The following GPC5 variants were observed in gnomAD, a reference collection of about 807,000 sequenced individuals.
The protein encoded by GPC5 is glypican 5, also known as glypican-5.
Under a neutral mutation model 53.9 loss-of-function variants are expected in GPC5, and 47 were observed. That is an observed-to-expected ratio of 0.87 (90% CI 0.69 to 1.11). GPC5 has a LOEUF of 1.11. Among genes scored for constraint, GPC5 ranks in the 50% most tolerant of loss-of-function variants. The probability of loss-of-function intolerance (pLI) is 0.00; values close to 1 mark genes in which losing one functional copy is unlikely to be tolerated. For missense variants in GPC5, 748 were observed against 713.1 expected (o/e 1.05, Z -0.56); for synonymous variants, 286 against 263.3 (o/e 1.09, Z -0.84).
intron 7 of GPC5, among the ~76,000 whole-genome samples, chr13:92,380,533 C>T (rs933976998): frequency 2.0e-5 from 3 of 151,720 alleles, no homozygotes; most frequent in Non-Finnish European, 4.4e-5. Context: ...TGGAACCAAC[C>T]CAAATGTCCA....
At chr13:91,985,115 C>T (rs1298552258) in intron 6 of GPC5, among the ~76,000 whole-genome samples, 1 of 152,062 alleles carries the variant, frequency 6.6e-6, no homozygotes, top group Non-Finnish European at 1.5e-5. Context: ...CCACTTCTGT[C>T]TTTTATATTT....
At chr13:91,480,862 C>G (rs61968030) in intron 2 of GPC5, among the ~76,000 whole-genome samples, 1 of 152,064 alleles carries the variant, frequency 6.6e-6, no homozygotes, top group Non-Finnish European at 1.5e-5. Flanking sequence ...CACTGTTACT[C>G]TCTTTCCTAC....
chr13:92,229,909 C>T (rs922302370), intron 7 of GPC5, among the ~76,000 whole-genome samples: 1 of 151,986 alleles, frequency 6.6e-6, no homozygotes, highest in African/African-American at 2.4e-5. Context: ...TCTTTTTCCC[C>T]TAAAGCATTT....
At chr13:91,770,861 T>C (rs574526431) in intron 5 of GPC5, among the ~76,000 whole-genome samples, 1 of 152,230 alleles carries the variant, frequency 6.6e-6, no homozygotes, top group Admixed American at 6.5e-5. Flanking sequence ...AATTGGCCAA[T>C]TTTTGTGTGG....
intron 7 of GPC5, among the ~76,000 whole-genome samples, chr13:92,843,344 T>C (rs1164615950): frequency 6.6e-6 from 1 of 152,206 alleles, no homozygotes; most frequent in African/African-American, 2.4e-5. Context: ...ATTTAGCAAA[T>C]ATTTATTAAA....
intron 7 of GPC5, among the ~76,000 whole-genome samples, chr13:92,663,848 CACACACACTATATATATATA>C (rs1246464908): frequency 0.013 from 1,473 of 117,602 alleles, 15 homozygotes; most frequent in Non-Finnish European, 0.017. Flanking sequence ...TATATATACA[CACACACACTATATATATATA>C]TATATATATA....
At chr13:91,891,297 A>G (rs1269606590) in intron 5 of GPC5, among the ~76,000 whole-genome samples, 1 of 152,166 alleles carries the variant, frequency 6.6e-6, no homozygotes, top group African/African-American at 2.4e-5. Flanking sequence ...GCCAAGGCAG[A>G]TTTTATGTGC....
At chr13:92,851,944 G>T (rs1878821845) in intron 7 of GPC5, among the ~76,000 whole-genome samples, 1 of 149,646 alleles carries the variant, frequency 6.7e-6, no homozygotes, top group African/African-American at 2.5e-5. Context: ...CTCTGTAAGA[G>T]AGCCCTGACC....
At chr13:92,441,473 C>G (rs987137998) in intron 7 of GPC5, among the ~76,000 whole-genome samples, 1 of 152,168 alleles carries the variant, frequency 6.6e-6, no homozygotes, top group Non-Finnish European at 1.5e-5. Flanking sequence ...AACTAATAAA[C>G]AACTTCAGTA....
At chr13:91,562,952 C>A (rs767318516) in intron 2 of GPC5, among the ~76,000 whole-genome samples, 1 of 151,738 alleles carries the variant, frequency 6.6e-6, no homozygotes, top group Non-Finnish European at 1.5e-5. Flanking sequence ...AATTGTGCAT[C>A]GTAGAGAAAA....
intron 5 of GPC5, among the ~76,000 whole-genome samples, chr13:91,809,934 G>T (rs1490157078): frequency 6.6e-6 from 1 of 151,948 alleles, no homozygotes; most frequent in Non-Finnish European, 1.5e-5. Flanking sequence ...CTTTAGGGAA[G>T]GTTATGGTGT....
At chr13:92,010,700 G>A (rs2040653673) in intron 6 of GPC5, among the ~76,000 whole-genome samples, 1 of 152,100 alleles carries the variant, frequency 6.6e-6, no homozygotes, top group Non-Finnish European at 1.5e-5. Context: ...CCCACTGCAA[G>A]GAAGAAAGGC....
At chr13:92,767,629 ACCT>A in intron 7 of GPC5, among the ~76,000 whole-genome samples, 1 of 152,184 alleles carries the variant, frequency 6.6e-6, no homozygotes, top group East Asian at 1.9e-4. Flanking sequence ...GTGAAACTTC[ACCT>A]CCTGCAGTCT....
chr13:91,909,833 C>T (rs189052549), intron 6 of GPC5, among the ~76,000 whole-genome samples: 2 of 152,136 alleles, frequency 1.3e-5, no homozygotes, highest in African/African-American at 2.4e-5. Context: ...ACACCACCCC[C>T]CTCCTCTGCC....
chr13:92,612,693 C>T (rs1884478671), intron 7 of GPC5, among the ~76,000 whole-genome samples: 1 of 151,992 alleles, frequency 6.6e-6, no homozygotes, highest in Non-Finnish European at 1.5e-5. Flanking sequence ...TCAAAATGTG[C>T]ATTCATTCTC....
intron 2 of GPC5, among the ~76,000 whole-genome samples, chr13:91,477,094 T>C (rs1882975093): frequency 6.6e-6 from 1 of 152,202 alleles, no homozygotes; most frequent in Non-Finnish European, 1.5e-5. Flanking sequence ...TATTCAAATA[T>C]TAGAAATATT....
intron 7 of GPC5, among the ~76,000 whole-genome samples, chr13:92,277,204 AC>A (rs1278347314): frequency 1.3e-5 from 2 of 152,034 alleles, no homozygotes; most frequent in African/African-American, 4.8e-5. Context: ...TAGGGAATTG[AC>A]ACCCACCATG....
intron 2 of GPC5, among the ~76,000 whole-genome samples, chr13:91,630,037 G>A (rs1232680800): frequency 1.3e-5 from 2 of 152,074 alleles, no homozygotes; most frequent in Non-Finnish European, 2.9e-5. Context: ...GTCTCTAGGA[G>A]ACACTGAGCT....
At chr13:92,046,745 T>C (rs998225019) in intron 6 of GPC5, among the ~76,000 whole-genome samples, 5 of 152,322 alleles carry the variant, frequency 3.3e-5, no homozygotes, top group Middle Eastern at 6.8e-3. Flanking sequence ...ACCATAGAGT[T>C]AATGAAGATA....
Sources: gnomAD v4.1 joint callset for allele counts (sites outside exome capture counted in the v4.1 genomes callset) on GRCh38, gnomAD v4.1.1 for gene constraint, MANE v1.5 for transcripts, NCBI Gene and HGNC (gene_info 2026-07-23, HGNC 2026-07-21) for gene names.